MBNL1: variants seen among roughly 807,000 people sequenced by gnomAD.
MBNL1 encodes the protein muscleblind like splicing regulator 1.
Under a neutral mutation model 42.2 loss-of-function variants are expected in MBNL1, and 8 were observed. That is an observed-to-expected ratio of 0.19 (90% CI 0.11 to 0.34). The LOEUF (loss-of-function observed/expected upper bound fraction) is 0.34. Ranked by LOEUF, MBNL1 falls within the 10% of genes least tolerant of loss-of-function variation. The pLI is 1.00. For synonymous variants in MBNL1, 169 were observed against 173.9 expected, an observed-to-expected ratio of 0.97 and a Z score of 0.22; for missense variants, 309 against 495.3, an observed-to-expected ratio of 0.62 and a Z score of 3.57.
At chr3:152,432,975 G>T in intron 4 of MBNL1, 55 bp downstream of exon 4, 3 of 1,515,498 alleles carry the variant, frequency 2.0e-6, no homozygotes, top group Non-Finnish European at 2.7e-6. Context: ...TCAAAGTGTG[G>T]TTTTTTGTTT....
intron 1 of MBNL1, among the ~76,000 whole-genome samples, chr3:152,286,932 T>C (rs1007381668): frequency 6.6e-6 from 1 of 152,070 alleles, no homozygotes; most frequent in African/African-American, 2.4e-5. Flanking sequence ...AATAGTTGTA[T>C]ATGGTGGCCG....
chr3:152,322,962 A>T (rs1011011834), intron 2 of MBNL1, among the ~76,000 whole-genome samples: 4 of 152,130 alleles, frequency 2.6e-5, no homozygotes, highest in Non-Finnish European at 5.9e-5. Flanking sequence ...ACTGTTAAGT[A>T]ATAGACTGAC....
rs201254139 is a variant in MBNL1, at chr3:152,426,637, T to TA, written c.346-6079dup. 6.3e-3 allele frequency among the ~76,000 whole-genome samples: 955 copies of TA among 152,296 alleles called. 8 individuals are homozygous for TA. Among genetic ancestry groups the TA allele is most frequent in the African/African-American group, 0.022 (912 of 41,554 alleles). On this transcript the variant is annotated intron_variant, in intron 3 of 9. Transcript: ENST00000324210. The stretch of plus-strand genomic sequence containing the variant: ...AGTGGTTATAAAGAGCTTTGCATGA[T>TA]ATCTGGAGTTTCTCTAGTAATGGTC...
chr3:152,367,087 T>G (rs545023772), intron 2 of MBNL1, among the ~76,000 whole-genome samples: 7 of 152,312 alleles, frequency 4.6e-5, no homozygotes, highest in African/African-American at 1.7e-4. Flanking sequence ...GTGCAGAATG[T>G]GCAGGTTTGT....
intron 2 of MBNL1, chr3:152,340,168 A>T (rs1454245344): frequency 5.4e-6 from 1 of 183,530 alleles, no homozygotes; most frequent in Non-Finnish European, 1.1e-5. Flanking sequence ...CAACAACAAC[A>T]GTAAAAAACT....
intron 2 of MBNL1, among the ~76,000 whole-genome samples, chr3:152,323,295 A>G (rs1403101772): frequency 6.6e-6 from 1 of 152,170 alleles, no homozygotes; most frequent in East Asian, 1.9e-4. Context: ...AAATTCATTT[A>G]ACTAGACTTA....
chr3:152,382,177 G>A (rs772149692), intron 2 of MBNL1, among the ~76,000 whole-genome samples: 3 of 151,988 alleles, frequency 2.0e-5, no homozygotes, highest in Non-Finnish European at 4.4e-5. Context: ...AGTGGAAAAA[G>A]CCAAATGGAA....
At chr3:152,361,474 A>G (rs1451671654) in intron 2 of MBNL1, among the ~76,000 whole-genome samples, 2 of 151,072 alleles carry the variant, frequency 1.3e-5, no homozygotes, top group African/African-American at 4.9e-5. Context: ...TTTTAAGTCA[A>G]GGAAGCATGA....
intron 2 of MBNL1, among the ~76,000 whole-genome samples, chr3:152,315,989 CTG>C (rs1280386010): frequency 1.3e-5 from 2 of 152,130 alleles, no homozygotes; most frequent in Middle Eastern, 3.4e-3. Context: ...ATAAAAATAA[CTG>C]TAATATTAAT....
At chr3:152,391,473 T>C (rs1372649407) in intron 2 of MBNL1, among the ~76,000 whole-genome samples, 6 of 152,174 alleles carry the variant, frequency 3.9e-5, no homozygotes, top group African/African-American at 1.4e-4. Flanking sequence ...CCTATAAACC[T>C]TCCTCCTTTT....
chr3:152,412,460 A>T (rs376506374), intron 2 of MBNL1, among the ~76,000 whole-genome samples: 93 of 152,280 alleles, frequency 6.1e-4, no homozygotes, highest in African/African-American at 2.2e-3. Flanking sequence ...ACCAAATATC[A>T]GTTGATTCTT....
chr3:152,380,911 A>G (rs1430289122), intron 2 of MBNL1, among the ~76,000 whole-genome samples: 2 of 152,012 alleles, frequency 1.3e-5, no homozygotes, highest in Non-Finnish European at 2.9e-5. Flanking sequence ...ATATCTTTTA[A>G]TTTTTGTTAT....
chr3:152,296,117 C>T (rs2058437034), intron 1 of MBNL1, among the ~76,000 whole-genome samples: 1 of 152,150 alleles, frequency 6.6e-6, no homozygotes, highest in Non-Finnish European at 1.5e-5. Flanking sequence ...AGCAGAAAAA[C>T]AGCACGGTAG....
chr3:152,336,622 G>T (rs1466664080), intron 2 of MBNL1, among the ~76,000 whole-genome samples: 2 of 152,172 alleles, frequency 1.3e-5, no homozygotes, highest in African/African-American at 4.8e-5. Flanking sequence ...TGCTTAGGCA[G>T]TACTTAACAT....
Position 152,445,556 on chromosome 3 carries a change from G to A in MBNL1, c.807+17G>A, listed in dbSNP as rs2099210407. On this transcript the variant is annotated intron_variant, in intron 5 of 9. Coordinates refer to ENST00000324210, the MANE Select transcript of MBNL1 (RefSeq NM_021038.5). ...GCTGCCATGGTGAGTAGAGATATCAGCTCTCTCCTTGTTAGCAGTCAGAAA... is the reference window on the plus strand; with the variant it reads ...GCTGCCATGGTGAGTAGAGATATCAACTCTCTCCTTGTTAGCAGTCAGAAA... The A allele has an allele frequency of 1.9e-6, 3 of 1,596,136 alleles. No homozygotes were observed. Among genetic ancestry groups the A allele is most frequent in the Admixed American group, 1.8e-5 (1 of 56,862 alleles).
chr3:152,450,603 C>T (rs897921482), intron 6 of MBNL1, among the ~76,000 whole-genome samples: 2 of 152,192 alleles, frequency 1.3e-5, no homozygotes, highest in South Asian at 2.1e-4. Flanking sequence ...CTTTTGTTGC[C>T]TCAGAGGATT....
intron 2 of MBNL1, among the ~76,000 whole-genome samples, chr3:152,410,336 G>A (rs2098537977): frequency 1.3e-5 from 2 of 152,056 alleles, no homozygotes; most frequent in Admixed American, 1.3e-4. Context: ...GAAATTACTC[G>A]ATGAATTTAT....
intron 2 of MBNL1, among the ~76,000 whole-genome samples, chr3:152,261,901 G>C (rs2036352488): frequency 6.6e-6 from 1 of 152,114 alleles, no homozygotes; most frequent in Non-Finnish European, 1.5e-5. Context: ...CAGCTGCTTG[G>C]GAGTCCGTGA....
chr3:152,354,653 A>G (rs2095373540), intron 2 of MBNL1, among the ~76,000 whole-genome samples: 1 of 152,066 alleles, frequency 6.6e-6, no homozygotes, highest in Non-Finnish European at 1.5e-5. Context: ...TATGAAAAAA[A>G]AAAACTGCCC....
Sources: gnomAD v4.1 joint callset for allele counts (sites outside exome capture counted in the v4.1 genomes callset) on GRCh38, gnomAD v4.1.1 for gene constraint, MANE v1.5 for transcripts, NCBI Gene and HGNC (gene_info 2026-07-23, HGNC 2026-07-21) for gene names.